Variants in DDR2 observed in about 807,000 individuals in gnomAD.
DDR2 encodes the protein discoidin domain receptor tyrosine kinase 2.
In DDR2, 27 loss-of-function variants were observed where a neutral mutation model predicts 94.9. The observed-to-expected ratio is 0.28, with a 90% CI of 0.21 to 0.39. DDR2 has a LOEUF of 0.39. Ranked by LOEUF, DDR2 falls within the 10% of genes least tolerant of loss-of-function variation. The pLI is 1.00. For missense variants in DDR2, 783 were observed against 1,076.0 expected (o/e 0.73, Z 3.81); for synonymous variants, 382 against 377.2 (o/e 1.01, Z -0.15).
intron 5 of DDR2, 138 bp from the exon 6 acceptor site, chr1:162,755,018 A>G: frequency 1.4e-6 from 2 of 1,449,566 alleles, no homozygotes; most frequent in Non-Finnish European, 9.6e-7. Flanking sequence ...AAGGAATATC[A>G]AGGCTGTGGG....
intron 3 of DDR2, among the ~76,000 whole-genome samples, chr1:162,744,712 A>C (rs1325450307): frequency 1.3e-5 from 2 of 149,686 alleles, no homozygotes; most frequent in Admixed American, 6.7e-5. Context: ...ATAAGATTCC[A>C]TTGTAGGTGT....
chr1:162,671,192 G>A (rs553310539), intron 2 of DDR2, among the ~76,000 whole-genome samples: 2 of 152,230 alleles, frequency 1.3e-5, no homozygotes, highest in South Asian at 2.1e-4. Flanking sequence ...GGAGAAGGTC[G>A]TGGGGCACAG....
intron 3 of DDR2, among the ~76,000 whole-genome samples, chr1:162,730,058 C>CTTAAAA (rs1661953788): frequency 3.1e-5 from 2 of 64,182 alleles, no homozygotes; most frequent in African/African-American, 6.1e-5. Context: ...TTTTTTTTTG[C>CTTAAAA]AAAAAAAAAA....
At chr1:162,631,383 G>GCT (rs2101873213), upstream of DDR2, 1 of 152,296 alleles carries the variant, frequency 6.6e-6, no homozygotes, top group African/African-American at 2.4e-5. Context: ...AAACAGAGAA[G>GCT]AGCTGGTGAT....
At chr1:162,727,136 C>T (rs963997917) in intron 3 of DDR2, among the ~76,000 whole-genome samples, 20 of 142,036 alleles carry the variant, frequency 1.4e-4, no homozygotes, top group African/African-American at 4.6e-4. Flanking sequence ...TAAATATAAA[C>T]ATATATTTAT....
At chr1:162,749,523 C>G (rs906700150) in intron 3 of DDR2, among the ~76,000 whole-genome samples, 1 of 152,058 alleles carries the variant, frequency 6.6e-6, no homozygotes, top group Non-Finnish European at 1.5e-5. Context: ...AATAGCCTAC[C>G]AACCAAAAAA....
intron 1 of DDR2, among the ~76,000 whole-genome samples, chr1:162,651,511 C>T (rs1391419889): frequency 6.6e-6 from 1 of 152,106 alleles, no homozygotes; most frequent in Non-Finnish European, 1.5e-5. Flanking sequence ...CTTTTAGCAC[C>T]TTGTTCTTTC....
intron 10 of DDR2, among the ~76,000 whole-genome samples, chr1:162,766,359 A>G (rs777718181): frequency 1.3e-5 from 2 of 152,254 alleles, no homozygotes; most frequent in African/African-American, 2.4e-5. Context: ...TTCCTGGGTC[A>G]GACCCATAGT....
At chr1:162,743,302 G>A (rs1232598952) in intron 3 of DDR2, among the ~76,000 whole-genome samples, 2 of 152,092 alleles carry the variant, frequency 1.3e-5, no homozygotes, top group Non-Finnish European at 2.9e-5. Flanking sequence ...AGCCCATGAT[G>A]TTCCTTAGGG....
chr1:162,760,886 C>A (rs969368023), intron 8 of DDR2, among the ~76,000 whole-genome samples: 3 of 151,786 alleles, frequency 2.0e-5, no homozygotes, highest in African/African-American at 7.3e-5. Context: ...GCCGTCTACC[C>A]TGATTCGTGT....
intron 3 of DDR2, among the ~76,000 whole-genome samples, chr1:162,741,110 A>C (rs13376343): frequency 3.4e-4 from 52 of 151,456 alleles, no homozygotes; most frequent in African/African-American, 1.3e-3. Context: ...CCCTTATCTA[A>C]AATGCTTGGG....
At chr1:162,664,695 C>T (rs565397854) in intron 2 of DDR2, among the ~76,000 whole-genome samples, 9 of 152,118 alleles carry the variant, frequency 5.9e-5, no homozygotes, top group South Asian at 2.1e-4. Context: ...TTTTAGGTTA[C>T]GGAATTATGG....
intron 1 of DDR2, among the ~76,000 whole-genome samples, chr1:162,642,539 C>T (rs1390891685): frequency 6.6e-6 from 1 of 151,802 alleles, no homozygotes; most frequent in East Asian, 1.9e-4. Context: ...ATCTACCCGC[C>T]TCAGCCTCCC....
chr1:162,762,356 T>C (rs757107889), intron 9 of DDR2, among the ~76,000 whole-genome samples: 3 of 152,230 alleles, frequency 2.0e-5, no homozygotes, highest in Non-Finnish European at 2.9e-5. Context: ...GAATTCTTTA[T>C]AAGCATTCTA....
intron 3 of DDR2, among the ~76,000 whole-genome samples, chr1:162,752,536 A>G (rs1278046383): frequency 6.6e-6 from 1 of 152,202 alleles, no homozygotes; most frequent in Non-Finnish European, 1.5e-5. Flanking sequence ...TTTGGTTGAA[A>G]GTGGAAGTCT....
chr1:162,670,599 T>C (rs1465313322), intron 2 of DDR2, among the ~76,000 whole-genome samples: 4 of 152,212 alleles, frequency 2.6e-5, no homozygotes, highest in African/African-American at 9.6e-5. Flanking sequence ...AGAAGAGCCA[T>C]GACAACAATG....
In DDR2 at chr1:162,735,633, G is replaced by C. The variant is rs72711582; in HGVS notation, c.82+16488G>C. Among the ~76,000 whole-genome samples the C allele has an allele frequency of 9.0e-3, 1,363 of 152,248 alleles. 6 individuals are homozygous for C. Among genetic ancestry groups the C allele is most frequent in the Non-Finnish European group, 0.015 (1,006 of 68,010 alleles). On this transcript the variant is annotated intron_variant, in intron 3 of 17. Transcript: ENST00000367921. ...CAAAGAGCTTTCAGGAAGGAAACTGGCACTCCTTTGACACCACATAGCAGA... is the reference window on the plus strand; with the variant it reads ...CAAAGAGCTTTCAGGAAGGAAACTGCCACTCCTTTGACACCACATAGCAGA...
At chr1:162,631,545 G>A (rs563339158), upstream of DDR2, 31 of 152,182 alleles carry the variant, frequency 2.0e-4, no homozygotes, top group African/African-American at 4.8e-4. Flanking sequence ...CCATACTCAC[G>A]GAGAATCAGG....
intron 3 of DDR2, among the ~76,000 whole-genome samples, chr1:162,729,298 A>AT (rs1324912200): frequency 7.3e-4 from 25 of 34,458 alleles, no homozygotes; most frequent in South Asian, 2.2e-3. Context: ...ATATATATAT[A>AT]TATTTTTTTT....
Sources: gnomAD v4.1 joint callset for allele counts (sites outside exome capture counted in the v4.1 genomes callset) on GRCh38, gnomAD v4.1.1 for gene constraint, MANE v1.5 for transcripts, NCBI Gene and HGNC (gene_info 2026-07-23, HGNC 2026-07-21) for gene names.